MPP4: variants seen among roughly 807,000 people sequenced by gnomAD.
MPP4 encodes the protein MAGUK p55 subfamily member 4.
Under a neutral mutation model 98.3 loss-of-function variants are expected in MPP4, and 91 were observed. The observed-to-expected ratio is 0.93, with a 90% CI of 0.78 to 1.10. The LOEUF is 1.10. MPP4 is among the 50% of genes least tolerant of loss of function. The probability of loss-of-function intolerance (pLI) is 0.00; values close to 1 mark genes in which losing one functional copy is unlikely to be tolerated. For synonymous variants in MPP4, 261 were observed against 271.8 expected, an observed-to-expected ratio of 0.96 and a Z score of 0.39; for missense variants, 744 against 792.9, an observed-to-expected ratio of 0.94 and a Z score of 0.74.
chr2:201,685,774 C>A (rs1163960287), intron 6 of MPP4, 145 bp downstream of exon 6: 6 of 846,078 alleles, frequency 7.1e-6, no homozygotes, highest in Non-Finnish European at 1.0e-5. Flanking sequence ...AAACCACAGG[C>A]AAAACTTGCA....
At chr2:201,697,163 A>AC (rs1689213132) in intron 1 of MPP4, among the ~76,000 whole-genome samples, 1 of 152,190 alleles carries the variant, frequency 6.6e-6, no homozygotes, top group South Asian at 2.1e-4. Flanking sequence ...CAGGAAGAGA[A>AC]CCCTCGCAAG....
At chr2:201,651,995 A>G in intron 18 of MPP4, 2 of 971,388 alleles carry the variant, frequency 2.1e-6, no homozygotes, top group South Asian at 9.5e-5. Flanking sequence ...AAAGAAAAGG[A>G]AAATGTTGAT....
chr2:201,653,424 G>C (rs1435796220), intron 18 of MPP4, among the ~76,000 whole-genome samples: 1 of 152,168 alleles, frequency 6.6e-6, no homozygotes, highest in East Asian at 1.9e-4. Context: ...GGAACACCCA[G>C]CACCGCTCTC....
intron 10 of MPP4, 67 bp from the exon 11 acceptor site, chr2:201,675,338 A>G: frequency 1.4e-6 from 2 of 1,461,428 alleles, no homozygotes; most frequent in Non-Finnish European, 1.9e-6. Flanking sequence ...CCTAGATGAA[A>G]CAGACCCAGA....
intron 13 of MPP4, 114 bp downstream of exon 13, chr2:201,666,220 C>T (rs749114245): frequency 2.1e-5 from 16 of 773,434 alleles, no homozygotes; most frequent in Non-Finnish European, 3.2e-5. Context: ...GGTCATTTTA[C>T]ACATTTCTAG....
At chr2:201,657,981 TCAC>T (rs1687909468) in intron 16 of MPP4, among the ~76,000 whole-genome samples, 1 of 151,564 alleles carries the variant, frequency 6.6e-6, no homozygotes. Flanking sequence ...TTTTTTTTTT[TCAC>T]GCTCCCCTGA....
rs765587777 is a variant in MPP4 at position 201,647,675 on chromosome 2, T to C, written c.1719+16A>G. The C allele has an allele frequency of 1.9e-6, 3 of 1,611,402 alleles. No individual in the cohort carries two copies. In the Admixed American group the frequency reaches 5.0e-5, roughly 27 times the overall value. ...AGCCACTGAAAGCAATACAGTAGTT[T>C]TTGACTTGCTCTTACCTTGAACTTC... is the stretch of plus-strand genomic sequence containing the variant. On this transcript the variant is annotated intron_variant, in intron 21 of 21. Transcript: ENST00000409474.
chr2:201,660,870 A>G (rs1443446355), intron 14 of MPP4, among the ~76,000 whole-genome samples: 2 of 152,020 alleles, frequency 1.3e-5, no homozygotes, highest in African/African-American at 4.8e-5. Context: ...GAAACCAAAT[A>G]CAAAGCAAAC....
chr2:201,662,447 G>A (rs896523832), intron 14 of MPP4, among the ~76,000 whole-genome samples: 2 of 136,126 alleles, frequency 1.5e-5, no homozygotes, highest in African/African-American at 5.5e-5. Context: ...ATTGCAGTGA[G>A]CCCAGATCAC....
rs1264886163 is a variant in MPP4 at position 201,666,358 on chromosome 2, T to C, written c.1027A>G (p.Ile343Val). Residue 343 changes from isoleucine to valine, a missense_variant, in exon 13 of 22, where the codon ATT (isoleucine) becomes GTT (valine). Ile to Val is a conservative substitution (Grantham distance 29, BLOSUM62 3). Coordinates refer to ENST00000409474, the MANE Select transcript of MPP4 (RefSeq NM_033066.3). ...CCTGCTTCCACACATTTCTCATCAATCTTCATGTCATCTTCTATAAAAGAG... is the reference window on the plus strand; with the variant it reads ...CCTGCTTCCACACATTTCTCATCAACCTTCATGTCATCTTCTATAAAAGAG... Reference protein sequence around the residue: ...ISMEEEDDMKIDEKCVEADEE... With the variant: ...ISMEEEDDMKVDEKCVEADEE... 1 of 1,555,704 alleles carries C rather than the reference T, an allele frequency of 6.4e-7. No individual in the cohort carries two copies. The highest frequency in any genetic ancestry group is 2.0e-5 in the Admixed American group (1 of 50,590).
intron 11 of MPP4, among the ~76,000 whole-genome samples, chr2:201,673,970 G>C (rs576975185): frequency 7.9e-5 from 12 of 152,198 alleles, no homozygotes; most frequent in African/African-American, 1.2e-4. Context: ...AGTAGGCTCA[G>C]CTGGCCTCTG....
At position 201,664,096 on chromosome 2, in the gene MPP4, C is replaced by A. The variant is rs760284515; in HGVS notation, c.1057G>T (p.Glu353Ter). 2.6e-6 allele frequency: 4 copies of A among 1,516,594 alleles called. No individual in the cohort carries two copies. In the South Asian group the frequency reaches 3.7e-5, roughly 14 times the overall value. The allele number at this position is 1,516,594 out of a possible 1,614,324, so 93.9% of individuals were successfully genotyped here. A position where few individuals can be genotyped will look rare whatever the true frequency, so the allele number is the denominator to read the frequency against. Reference sequence around the variant, plus strand: ...TTTTACTTACCAGATTCAAATGTTTCTTCATCTATGATTTTTCATGGAGGC... The same window carrying A: ...TTTTACTTACCAGATTCAAATGTTTATTCATCTATGATTTTTCATGGAGGC... ...IDEKCVEADEETFESEELSED... is the reference protein window; with the variant it reads ...IDEKCVEADE Residue 353 changes from glutamate to a stop codon, truncating the protein, a stop_gained, in exon 14 of 22, where the codon GAA (glutamate) becomes TAA (stop). Coordinates refer to ENST00000409474, the MANE Select transcript of MPP4 (RefSeq NM_033066.3). LOFTEE classifies it high-confidence loss of function.
At chr2:201,685,888 T>C in intron 6 of MPP4, 31 bp downstream of exon 6, 1 of 1,603,012 alleles carries the variant, frequency 6.2e-7, no homozygotes, top group South Asian at 1.1e-5. Context: ...AAGCTTACCC[T>C]AAATGGAAAG....
chr2:201,682,947 G>T, intron 7 of MPP4, 31 bp from the exon 8 acceptor site: 4 of 1,574,652 alleles, frequency 2.5e-6, no homozygotes, highest in Non-Finnish European at 3.5e-6. Flanking sequence ...AACAAAGAAA[G>T]ATACAAAGAA....
chr2:201,648,907 T>C (rs1480670775), intron 20 of MPP4, among the ~76,000 whole-genome samples: 4 of 151,930 alleles, frequency 2.6e-5, no homozygotes, highest in Non-Finnish European at 4.4e-5. Context: ...CTACTAAAAA[T>C]ACAAAAATTA....
At position 201,681,607 on chromosome 2, in the gene MPP4, C is replaced by G. The variant is rs573912793; in HGVS notation, c.661-40G>C. 4 of 1,541,110 alleles carry G rather than the reference C, an allele frequency of 2.6e-6. No individual in the cohort carries two copies. The Admixed American group carries it at 6.8e-5, about 26-fold the overall frequency. On this transcript the variant is annotated intron_variant, in intron 8 of 21. Coordinates refer to ENST00000409474, the MANE Select transcript of MPP4 (RefSeq NM_033066.3). Reference sequence around the variant, plus strand: ...AGGAGAAAGGATGACAATCATGGAGCTAGCAGGGTTACTGGGGCTCGGTGG... The same window carrying G: ...AGGAGAAAGGATGACAATCATGGAGGTAGCAGGGTTACTGGGGCTCGGTGG...
intron 10 of MPP4, 133 bp from the exon 11 acceptor site, chr2:201,675,404 G>GGT (rs1423975514): frequency 2.4e-6 from 2 of 842,652 alleles, no homozygotes; most frequent in Non-Finnish European, 3.7e-6. Flanking sequence ...AAGTGAAAAG[G>GGT]GTGATTGCTT....
chr2:201,681,581 GA>G lies in MPP4; in HGVS notation c.661-15del. 6.2e-7 allele frequency: 1 copy of G among 1,608,806 alleles called. No homozygotes were observed. The highest frequency in any genetic ancestry group is 8.5e-7 in the Non-Finnish European group (1 of 1,175,782). On this transcript the variant is annotated splice_polypyrimidine_tract_variant and intron_variant, in intron 8 of 21. Coordinates refer to ENST00000409474, the MANE Select transcript of MPP4 (RefSeq NM_033066.3). ...TCGAGACATGGCCTGGAAAATAAGA[GA>G]GGAGAAAGGATGACAATCATGGAGC... is the stretch of plus-strand genomic sequence containing the variant.
intron 21 of MPP4, chr2:201,646,921 G>A (rs1487491244): frequency 6.6e-6 from 1 of 152,044 alleles, no homozygotes; most frequent in African/African-American, 2.4e-5. Flanking sequence ...CACTTAAAAC[G>A]GTTAATATGG....
Sources: allele counts gnomAD v4.1 joint callset (sites outside exome capture counted in the v4.1 genomes callset), GRCh38; gene constraint gnomAD v4.1.1; transcripts MANE v1.5; gene names NCBI Gene and HGNC (gene_info 2026-07-23, HGNC 2026-07-21).